Variants in RNF157 observed in about 807,000 individuals in gnomAD.
The protein encoded by RNF157 is E3 ubiquitin ligase RNF157.
A neutral mutation model predicts 88.3 loss-of-function variants in RNF157; 55 were observed. The observed-to-expected ratio is 0.62, with a 90% CI of 0.50 to 0.78. RNF157 has a LOEUF of 0.78. RNF157 is among the 30% of genes least tolerant of loss of function. The probability of loss-of-function intolerance (pLI) is 0.00; values close to 1 mark genes in which losing one functional copy is unlikely to be tolerated. For synonymous variants in RNF157, 334 were observed against 341.2 expected (o/e 0.98, Z 0.23); for missense variants, 788 against 860.8 (o/e 0.92, Z 1.06).
At chr17:76,198,762 G>C (rs1176571703) in intron 2 of RNF157, among the ~76,000 whole-genome samples, 9 of 152,188 alleles carry the variant, frequency 5.9e-5, no homozygotes, top group Non-Finnish European at 1.3e-4. Flanking sequence ...CCCATTAGTG[G>C]TTCCCCACAC....
chr17:76,208,376 T>C (rs2069718139), intron 2 of RNF157, among the ~76,000 whole-genome samples: 2 of 152,192 alleles, frequency 1.3e-5, no homozygotes, highest in Non-Finnish European at 2.9e-5. Context: ...ACTGTTAGGT[T>C]CCAATCCTGA....
chr17:76,154,806 G>A (rs1159010199), intron 16 of RNF157, among the ~76,000 whole-genome samples: 1 of 152,154 alleles, frequency 6.6e-6, no homozygotes, highest in Non-Finnish European at 1.5e-5. Flanking sequence ...ACACTGAACT[G>A]TGGTCCTGTC....
chr17:76,165,398 A>C, intron 7 of RNF157, 104 bp downstream of exon 7: 1 of 1,156,882 alleles, frequency 8.6e-7, no homozygotes, highest in South Asian at 1.2e-5. Flanking sequence ...CTCTAAAGCC[A>C]GACCCATTCT....
chr17:76,154,661 A>C, intron 16 of RNF157: 1 of 278,090 alleles, frequency 3.6e-6, no homozygotes, highest in Non-Finnish European at 6.8e-6. Context: ...TTGTGAGATC[A>C]TAAGACTTTC....
At chr17:76,156,349 A>G (rs202231879) in intron 13 of RNF157, 28 bp from the exon 14 acceptor site, 1 of 1,613,688 alleles carries the variant, frequency 6.2e-7, no homozygotes, top group East Asian at 2.2e-5. Flanking sequence ...ACACAACAGG[A>G]CATGGAGCAA....
chr17:76,212,708 A>G (rs558078603), intron 1 of RNF157, among the ~76,000 whole-genome samples: 1 of 152,154 alleles, frequency 6.6e-6, no homozygotes, highest in African/African-American at 2.4e-5. Flanking sequence ...CTAAAAATGT[A>G]AAAATTAGCC....
chr17:76,149,197 A>G (rs1344602915), intron 18 of RNF157, among the ~76,000 whole-genome samples: 2 of 151,988 alleles, frequency 1.3e-5, no homozygotes, highest in Admixed American at 1.3e-4. Flanking sequence ...TAAGCCCCTC[A>G]CCAGTGTTAT....
intron 1 of RNF157, among the ~76,000 whole-genome samples, chr17:76,220,962 A>T (rs1045084001): frequency 1.3e-5 from 2 of 152,152 alleles, no homozygotes; most frequent in African/African-American, 4.8e-5. Context: ...TGTCTCAAAA[A>T]AAAAAAAAAA....
chr17:76,181,174 C>T (rs2069182413), intron 2 of RNF157, among the ~76,000 whole-genome samples: 1 of 152,164 alleles, frequency 6.6e-6, no homozygotes, highest in Admixed American at 6.5e-5. Context: ...AGTCTACAGG[C>T]TCTTCTAATC....
chr17:76,209,133 A>C (rs933766716), intron 2 of RNF157, among the ~76,000 whole-genome samples: 2 of 151,926 alleles, frequency 1.3e-5, no homozygotes, highest in Non-Finnish European at 2.9e-5. Flanking sequence ...ATATTGCTCA[A>C]ACTGGACTCG....
rs559937445 is a variant in RNF157 at position 76,155,655 on chromosome 17, C to A, written c.1605G>T (p.Met535Ile). 1.9e-6 allele frequency: 3 copies of A among 1,613,904 alleles called. No homozygotes were observed. Among genetic ancestry groups the A allele is most frequent in the Non-Finnish European group, 2.5e-6 (3 of 1,179,940 alleles). Residue 535 changes from methionine (M) to isoleucine (I), a missense_variant, in exon 15 of 19, where the codon ATG becomes ATT. Met to Ile is a conservative substitution (Grantham distance 10). Transcript: ENST00000269391. The part of the protein sequence containing the change: ...SQISTDTVSS[M>I]SGSYIAPGTE... ...TGCCAGGGGCGATGTAGGAGCCAGA[C>A]ATGGAGGAGACGGTGTCAGTGCTGA... is the stretch of plus-strand genomic sequence containing the variant.
chr17:76,224,168 G>A (rs1007665244), intron 1 of RNF157, among the ~76,000 whole-genome samples: 2 of 152,016 alleles, frequency 1.3e-5, no homozygotes, highest in African/African-American at 4.8e-5. Flanking sequence ...CTTATAATGT[G>A]AACAAAAAAG....
Position 76,161,674 on chromosome 17 carries a change from G to A in RNF157, c.953-27C>T. On this transcript the variant is annotated intron_variant, in intron 10 of 18. Transcript: ENST00000269391. The surrounding 1 kb of genome is among the most constrained non-coding windows in gnomAD (Gnocchi z 4.6). ...TGTGAAGGAGAAAACAGGCAATCAG[G>A]ACATCCTGATACAGGATTAAGAATG... 2.5e-6 allele frequency: 4 copies of A among 1,592,024 alleles called. No homozygotes were observed. The highest frequency in any genetic ancestry group is 3.4e-6 in the Non-Finnish European group (4 of 1,161,180).
At chr17:76,145,687 T>C in intron 18 of RNF157, 1 of 239,236 alleles carries the variant, frequency 4.2e-6, no homozygotes, top group Admixed American at 5.7e-5. Context: ...TTTGCCTATA[T>C]GTTACAATAG....
intron 3 of RNF157, among the ~76,000 whole-genome samples, chr17:76,168,293 T>A (rs1158001917): frequency 6.6e-6 from 1 of 152,134 alleles, no homozygotes; most frequent in Non-Finnish European, 1.5e-5. Context: ...AACTCCGCCA[T>A]CCCCCCAGTG....
rs974222776 is a variant in RNF157, at chr17:76,147,386, G to C, written c.1922-2033C>G. ...CATGCATGCACAAATAAAAACAGCA[G>C]CACCACCACCACCACCGCCGCCGCC... On this transcript the variant is annotated intron_variant, in intron 18 of 18. Transcript: ENST00000269391. The C allele has an allele frequency of 5.0e-5, 49 of 977,318 alleles. No homozygotes were observed. In the African/African-American group the frequency reaches 8.1e-4, roughly 16 times the overall value. 60.5% of individuals were successfully genotyped at this position (977,318 alleles called of 1,614,324 possible). A position where few individuals can be genotyped will look rare whatever the true frequency, so the allele number is the denominator to read the frequency against.
rs183709249 is a variant in RNF157 at position 76,179,349 on chromosome 17, G to T, written c.208-5559C>A. 1.1e-3 allele frequency among the ~76,000 whole-genome samples: 166 copies of T among 152,010 alleles called. 1 individual carries two copies. The highest frequency in any genetic ancestry group is 3.9e-3 in the African/African-American group (162 of 41,440). ...ATTGAGGCTGCAGTGAGCTATGATA[G>T]CATCACTGCACTCCAGCTTGGGGGA... On this transcript the variant is annotated intron_variant, in intron 2 of 18. Transcript: ENST00000269391.
intron 18 of RNF157, 56 bp downstream of exon 18, chr17:76,152,299 G>A (rs1039983915): frequency 1.8e-6 from 2 of 1,132,606 alleles, no homozygotes; most frequent in South Asian, 1.2e-5. Flanking sequence ...GAGAGCAGGG[G>A]TAAGAGCACA....
chr17:76,161,257 G>A lies in RNF157; in HGVS notation c.1065+278C>T, dbSNP rs758814837. 4.3e-4 allele frequency among the ~76,000 whole-genome samples: 65 copies of A among 152,146 alleles called. No homozygotes were observed. The highest frequency in any genetic ancestry group is 1.2e-3 in the Admixed American group (19 of 15,258). ...ATTGTTTCTGCCTGGGGGAGTTCAA[G>A]TTGAACCTCACTGGAGTGAAACTGC... On this transcript the variant is annotated intron_variant, in intron 11 of 18. Transcript: ENST00000269391. This position sits in a 1 kb window ranked among gnomAD's most constrained non-coding sequence, Gnocchi z 4.6.
Sources: gnomAD v4.1 joint callset for allele counts (sites outside exome capture counted in the v4.1 genomes callset) on GRCh38, gnomAD v4.1.1 for gene constraint, Gnocchi (gnomAD v3.1) non-coding constraint, MANE v1.5 for transcripts, NCBI Gene and HGNC (gene_info 2026-07-23, HGNC 2026-07-21) for gene names.